SPATA17: variants seen among roughly 807,000 people sequenced by gnomAD.
The protein encoded by SPATA17 is spermatogenesis-associated protein 17.
Under a neutral mutation model 62.2 loss-of-function variants are expected in SPATA17, and 53 were observed. The observed-to-expected ratio is 0.85, with a 90% confidence interval of 0.68 to 1.07. SPATA17 has a LOEUF of 1.07. SPATA17 is among the 50% of genes least tolerant of loss of function. The pLI is 0.00. For synonymous variants in SPATA17, 146 were observed against 146.8 expected (o/e 0.99, Z 0.04); for missense variants, 466 against 425.5 (o/e 1.10, Z -0.84).
intron 9 of SPATA17, among the ~76,000 whole-genome samples, chr1:217,856,263 A>G (rs1675783466): frequency 1.3e-5 from 2 of 152,210 alleles, no homozygotes; most frequent in South Asian, 4.1e-4. Context: ...CTTGTTAAGT[A>G]CTTGCTATGT....
chr1:217,705,798 G>C (rs1357627030), intron 5 of SPATA17, among the ~76,000 whole-genome samples: 1 of 152,028 alleles, frequency 6.6e-6, no homozygotes, highest in Non-Finnish European at 1.5e-5. Flanking sequence ...TGAAAACTTT[G>C]CCAGCATCTT....
chr1:217,842,075 T>G (rs188322409), intron 9 of SPATA17, among the ~76,000 whole-genome samples: 18 of 152,092 alleles, frequency 1.2e-4, no homozygotes, highest in Admixed American at 1.2e-3. Flanking sequence ...TCTGCATCTA[T>G]GAGATGATCA....
chr1:217,648,798 A>C, intron 1 of SPATA17, 84 bp from the exon 2 acceptor site: 1 of 711,678 alleles, frequency 1.4e-6, no homozygotes, highest in African/African-American at 1.8e-5. Flanking sequence ...TCTTGGAAGA[A>C]ATTAAAAATC....
intron 5 of SPATA17, among the ~76,000 whole-genome samples, chr1:217,700,861 C>G (rs1325579334): frequency 6.7e-6 from 1 of 149,570 alleles, no homozygotes; most frequent in Non-Finnish European, 1.5e-5. Context: ...CCGCCTCAGT[C>G]TCCCAAAGTG....
At chr1:217,704,733 A>AT (rs371745570) in intron 5 of SPATA17, among the ~76,000 whole-genome samples, 19 of 148,612 alleles carry the variant, frequency 1.3e-4, no homozygotes, top group Admixed American at 2.0e-4. Flanking sequence ...ACATGATCTC[A>AT]TTTTTTTTTT....
intron 5 of SPATA17, among the ~76,000 whole-genome samples, chr1:217,727,251 AATAATAATAAT>A (rs1558581739): frequency 1.1e-4 from 15 of 135,132 alleles, no homozygotes; most frequent in Admixed American, 2.8e-4. Flanking sequence ...CCGTCTCAAT[AATAATAATAAT>A]AATAATAATA....
chr1:217,759,242 C>G (rs1240861794), intron 6 of SPATA17, among the ~76,000 whole-genome samples: 3 of 151,998 alleles, frequency 2.0e-5, no homozygotes, highest in African/African-American at 7.3e-5. Flanking sequence ...GTGGATCACC[C>G]AAGGTCAGGA....
intron 6 of SPATA17, among the ~76,000 whole-genome samples, chr1:217,758,701 A>G (rs1294257435): frequency 2.0e-5 from 3 of 152,200 alleles, no homozygotes; most frequent in Admixed American, 1.3e-4. Flanking sequence ...CAACAATGGA[A>G]CTCAGATGAG....
intron 10 of SPATA17, among the ~76,000 whole-genome samples, chr1:217,863,128 T>G (rs986380988): frequency 1.2e-4 from 17 of 147,182 alleles, no homozygotes; most frequent in Non-Finnish European, 2.0e-4. Flanking sequence ...TCTTTTTTTT[T>G]TTTTTTTTTT....
At chr1:217,772,248 A>G (rs1191896233) in intron 6 of SPATA17, among the ~76,000 whole-genome samples, 1 of 152,104 alleles carries the variant, frequency 6.6e-6, no homozygotes, top group African/African-American at 2.4e-5. Flanking sequence ...CCTTGTCTAT[A>G]TTTACTGTTA....
intron 7 of SPATA17, among the ~76,000 whole-genome samples, chr1:217,776,070 G>A (rs1673583011): frequency 1.3e-5 from 2 of 152,082 alleles, no homozygotes; most frequent in African/African-American, 2.4e-5. Flanking sequence ...ACTTGGGTTT[G>A]AGTAATTTTA....
At chr1:217,792,488 T>C (rs1317544198) in intron 8 of SPATA17, among the ~76,000 whole-genome samples, 4 of 152,196 alleles carry the variant, frequency 2.6e-5, no homozygotes, top group Non-Finnish European at 5.9e-5. Context: ...AACTGATGAC[T>C]TGTAAATCAT....
chr1:217,765,295 C>A (rs574643980), intron 6 of SPATA17, among the ~76,000 whole-genome samples: 106 of 151,142 alleles, frequency 7.0e-4, no homozygotes, highest in African/African-American at 2.4e-3. Flanking sequence ...TTTATTACTT[C>A]TTTTCTTCTG....
chr1:217,782,303 C>T lies in SPATA17; in HGVS notation c.853C>T (p.Gln285Ter). The T allele has an allele frequency of 6.2e-7, 1 of 1,609,352 alleles. No homozygotes were observed. Among genetic ancestry groups the T allele is most frequent in the Non-Finnish European group, 8.5e-7 (1 of 1,178,036 alleles). The change falls in exon 8 of 11, where the codon CAA (glutamine) becomes TAA (stop). Residue 285 changes from glutamine to a stop codon, truncating the protein, a stop_gained. Transcript: ENST00000366933. LOFTEE classifies it high-confidence loss of function. ...REELRREEWL[Q>*]NVNDNMFLPF... ...GGAGCTCAGAAGAGAGGAATGGCTG[C>T]AAAATGTAAATGACAATATGTGAGT...
At chr1:217,631,797 A>G (rs1669785065) in intron 1 of SPATA17, among the ~76,000 whole-genome samples, 1 of 152,200 alleles carries the variant, frequency 6.6e-6, no homozygotes, top group African/African-American at 2.4e-5. Flanking sequence ...CAATGAACTC[A>G]GATTGTGTCC....
At chr1:217,854,056 T>C (rs1675722696) in intron 9 of SPATA17, among the ~76,000 whole-genome samples, 1 of 152,042 alleles carries the variant, frequency 6.6e-6, no homozygotes, top group Non-Finnish European at 1.5e-5. Context: ...GCAAAAAAAG[T>C]AAAGTGACAT....
intron 5 of SPATA17, among the ~76,000 whole-genome samples, chr1:217,701,520 G>A (rs1171856735): frequency 2.6e-5 from 4 of 151,568 alleles, no homozygotes; most frequent in Admixed American, 2.6e-4. Flanking sequence ...CAAGTTGCTG[G>A]GATTACAGGC....
At chr1:217,683,583 C>T (rs554721261) in intron 5 of SPATA17, among the ~76,000 whole-genome samples, 12 of 152,128 alleles carry the variant, frequency 7.9e-5, no homozygotes, top group Non-Finnish European at 1.3e-4. Context: ...GGATAACAGG[C>T]GCCCGCCACC....
intron 6 of SPATA17, among the ~76,000 whole-genome samples, chr1:217,746,567 T>C (rs1392803868): frequency 6.6e-6 from 1 of 151,048 alleles, no homozygotes; most frequent in Non-Finnish European, 1.5e-5. Flanking sequence ...GTGTTTTTAA[T>C]GTGTTAATAA....
Sources: allele counts gnomAD v4.1 joint callset (sites outside exome capture counted in the v4.1 genomes callset), GRCh38; gene constraint gnomAD v4.1.1; transcripts MANE v1.5; gene names NCBI Gene and HGNC (gene_info 2026-07-23, HGNC 2026-07-21).